The following CNTLN variants were observed in gnomAD, a reference collection of about 807,000 sequenced individuals.
CNTLN encodes the protein centlein, also known as centlein, centrosomal protein.
CNTLN carries 212 observed loss-of-function variants against 180.0 expected under a neutral mutation model. The observed-to-expected ratio is 1.18, with a 90% CI of 1.05 to 1.32. The LOEUF (loss-of-function observed/expected upper bound fraction) is 1.32, where lower values mean the gene tolerates loss of function less well. Among genes scored for constraint, CNTLN ranks in the 40% most tolerant of loss-of-function variants. CNTLN has a pLI of 0.00. For synonymous variants in CNTLN, 722 were observed against 563.1 expected, an observed-to-expected ratio of 1.28 and a Z score of -3.99; for missense variants, 2,095 against 1,610.9, an observed-to-expected ratio of 1.30 and a Z score of -5.14.
At chr9:17,505,462 A>G (rs987044618), downstream of CNTLN, among the ~76,000 whole-genome samples, 3 of 152,156 alleles carry the variant, frequency 2.0e-5, no homozygotes, top group African/African-American at 4.8e-5. Flanking sequence ...TCAACATGGA[A>G]AGATTGTGTT....
chr9:17,153,050 T>G (rs1439285861), intron 2 of CNTLN, among the ~76,000 whole-genome samples: 1 of 152,204 alleles, frequency 6.6e-6, no homozygotes, highest in Non-Finnish European at 1.5e-5. Context: ...CCTATGTGTG[T>G]CTTTGCACAT....
chr9:17,229,559 G>GGTA (rs1391024395), intron 3 of CNTLN, among the ~76,000 whole-genome samples: 6 of 152,026 alleles, frequency 3.9e-5, no homozygotes, highest in Non-Finnish European at 8.8e-5. Context: ...GTAGCCTGGA[G>GGTA]GTAGAATTTC....
At chr9:17,488,416 G>T (rs1832992330) in intron 25 of CNTLN, among the ~76,000 whole-genome samples, 1 of 152,054 alleles carries the variant, frequency 6.6e-6, no homozygotes, top group African/African-American at 2.4e-5. Flanking sequence ...TGATTGTAAT[G>T]AGGTTTTTCT....
chr9:17,182,417 A>G lies in CNTLN; in HGVS notation c.449+39041A>G, dbSNP rs147628496. Among the ~76,000 whole-genome samples the G allele has an allele frequency of 2.9e-3, 447 of 152,160 alleles. 2 individuals are homozygous for G. The highest frequency in any genetic ancestry group is 0.01 in the African/African-American group (418 of 41,476). On this transcript the variant is annotated intron_variant, in intron 2 of 25. Coordinates refer to ENST00000380647, the MANE Select transcript of CNTLN (RefSeq NM_017738.4). ...AACAAGGTCCCAAGGTCTCTAGTCA[A>G]TCTGCCTTTTTTCCCCCACTTCAGA...
chr9:17,316,806 A>G (rs941851327), intron 8 of CNTLN, among the ~76,000 whole-genome samples: 3 of 151,676 alleles, frequency 2.0e-5, no homozygotes, highest in Non-Finnish European at 4.4e-5. Context: ...TTTTTCAGTT[A>G]TTTCCTTAGT....
rs986033576 is a variant in CNTLN, at chr9:17,298,787, T to C, written c.1146+435T>C. On this transcript the variant is annotated intron_variant, in intron 7 of 25. Coordinates refer to ENST00000380647, the MANE Select transcript of CNTLN (RefSeq NM_017738.4). ...CAAAGGGGATTGCTGAGGAGGGCTTTAGGATCAATATTTTCCAGGATTTTT... is the reference window on the plus strand; with the variant it reads ...CAAAGGGGATTGCTGAGGAGGGCTTCAGGATCAATATTTTCCAGGATTTTT... 3 of 986,556 alleles carry C rather than the reference T, an allele frequency of 3.0e-6. No homozygotes were observed. In the African/African-American group the frequency reaches 5.2e-5, roughly 17 times the overall value. 61.1% of individuals were successfully genotyped at this position (986,556 alleles called of 1,614,324 possible).
intron 12 of CNTLN, among the ~76,000 whole-genome samples, chr9:17,348,402 A>T (rs1185233980): frequency 6.6e-6 from 1 of 152,138 alleles, no homozygotes; most frequent in Non-Finnish European, 1.5e-5. Context: ...CTAGGAAAAG[A>T]TGGGAGACTT....
rs536034748 is a variant in CNTLN at position 17,161,293 on chromosome 9, T to C, written c.449+17917T>C. On this transcript the variant is annotated intron_variant, in intron 2 of 25. Coordinates refer to ENST00000380647, the MANE Select transcript of CNTLN (RefSeq NM_017738.4). ...GTCACTTTATGAGTTTGTTATAAAT[T>C]ACTACTGGAAAAAGGACATTTTGAA... Among the ~76,000 whole-genome samples the C allele has an allele frequency of 3.9e-5, 6 of 152,268 alleles. No homozygotes were observed. In the East Asian group the frequency reaches 1.2e-3, roughly 29 times the overall value.
chr9:17,365,311 C>T (rs1192543551), intron 12 of CNTLN, among the ~76,000 whole-genome samples: 1 of 152,192 alleles, frequency 6.6e-6, no homozygotes, highest in Non-Finnish European at 1.5e-5. Context: ...TCCTGTTCCC[C>T]TTCTGCCATG....
chr9:17,410,187 A>G (rs1414575215), intron 16 of CNTLN, among the ~76,000 whole-genome samples: 1 of 152,140 alleles, frequency 6.6e-6, no homozygotes, highest in East Asian at 1.9e-4. Flanking sequence ...ATTTTATAGA[A>G]ATTTTTGCTG....
At chr9:17,177,104 T>G (rs1156918766) in intron 2 of CNTLN, among the ~76,000 whole-genome samples, 1 of 152,188 alleles carries the variant, frequency 6.6e-6, no homozygotes. Flanking sequence ...TGTTGTTATC[T>G]CTGTCAATAA....
chr9:17,298,226 G>A lies in CNTLN; in HGVS notation c.1020G>A (p.Gln340=). 1.3e-6 allele frequency: 2 copies of A among 1,590,180 alleles called. No individual in the cohort carries two copies. Among genetic ancestry groups the A allele is most frequent in the Non-Finnish European group, 1.7e-6 (2 of 1,170,352 alleles). ...ELQELQNLYK[Q]NSTHTAQQAE... ...AGGAGCTGCAGAATCTTTACAAACA[G>A]AACAGTACACATACAGCCCAGCAAG... Residue 340 remains glutamine (Q), a synonymous_variant, in exon 7 of 26, where the codon CAG becomes CAA. Transcript: ENST00000380647.
chr9:17,359,229 G>T (rs960927350), intron 12 of CNTLN, among the ~76,000 whole-genome samples: 4 of 151,924 alleles, frequency 2.6e-5, no homozygotes, highest in Non-Finnish European at 4.4e-5. Flanking sequence ...ATGTTGCCCA[G>T]GCTGGTCTCA....
chr9:17,349,292 G>A (rs1822172034), intron 12 of CNTLN, among the ~76,000 whole-genome samples: 1 of 152,082 alleles, frequency 6.6e-6, no homozygotes, highest in Non-Finnish European at 1.5e-5. Flanking sequence ...TATGGGCCAG[G>A]CAGTCTTACT....
chr9:17,155,895 T>G (rs1464977473), intron 2 of CNTLN, among the ~76,000 whole-genome samples: 1 of 152,144 alleles, frequency 6.6e-6, no homozygotes, highest in East Asian at 1.9e-4. Context: ...ATCTCCTGGT[T>G]TGCGGGATGT....
intron 18 of CNTLN, among the ~76,000 whole-genome samples, chr9:17,438,156 G>C (rs1034080853): frequency 6.6e-6 from 1 of 152,056 alleles, no homozygotes; most frequent in African/African-American, 2.4e-5. Context: ...GAATATCTAA[G>C]AGTTAGGCCC....
chr9:17,500,564 A>G (rs1044197833), intron 25 of CNTLN, among the ~76,000 whole-genome samples: 1 of 152,198 alleles, frequency 6.6e-6, no homozygotes, highest in African/African-American at 2.4e-5. Context: ...AACAGGATGG[A>G]CAAGTGAATT....
At chr9:17,377,974 A>C (rs1824915909) in intron 13 of CNTLN, among the ~76,000 whole-genome samples, 1 of 152,214 alleles carries the variant, frequency 6.6e-6, no homozygotes, top group African/African-American at 2.4e-5. Context: ...CTTTGTTCCA[A>C]GGATTTCTCT....
chr9:17,265,370 C>G (rs1039372892), intron 5 of CNTLN, among the ~76,000 whole-genome samples: 1 of 152,160 alleles, frequency 6.6e-6, no homozygotes, highest in Non-Finnish European at 1.5e-5. Flanking sequence ...TTGTAACAGC[C>G]TTGCATTCTA....
Sources: allele counts gnomAD v4.1 joint callset (sites outside exome capture counted in the v4.1 genomes callset), GRCh38; gene constraint gnomAD v4.1.1; transcripts MANE v1.5; gene names NCBI Gene and HGNC (gene_info 2026-07-23, HGNC 2026-07-21).